The following DMD variants were observed in gnomAD, a reference collection of about 807,000 sequenced individuals.
DMD encodes dystrophin, also known as mutant dystrophin.
In DMD, 63 loss-of-function variants were observed where a neutral mutation model predicts 330.1. The observed-to-expected ratio is 0.19, with a 90% CI of 0.16 to 0.24. The LOEUF (loss-of-function observed/expected upper bound fraction) is 0.24, where lower values mean the gene tolerates loss of function less well. Among genes scored for constraint, DMD ranks in the 10% least tolerant of loss-of-function variants. The probability of loss-of-function intolerance (pLI) is 1.00; values close to 1 mark genes in which losing one functional copy is unlikely to be tolerated. For missense variants in DMD, 3,344 were observed against 2,684.1 expected (o/e 1.25, Z -5.43); for synonymous variants, 1,223 against 959.8 (o/e 1.27, Z -5.07).
intron 63 of DMD, among the ~76,000 whole-genome samples, chrX:31,251,007 G>A (rs776287349): frequency 7.3e-5 from 8 of 109,082 alleles, no homozygotes; most frequent in Admixed American, 2.0e-4. Context: ...GCTTGAACCC[G>A]GGAGGCAGAG....
intron 2 of DMD, among the ~76,000 whole-genome samples, chrX:33,016,910 A>T (rs150792662): frequency 0.01 from 1,165 of 112,167 alleles, 14 homozygotes; most frequent in African/African-American, 0.037. Context: ...TATTTGTCAT[A>T]GAGTATACAC....
At chrX:31,487,914 A>G (rs1308070131) in intron 57 of DMD, among the ~76,000 whole-genome samples, 1 of 111,922 alleles carries the variant, frequency 8.9e-6, no homozygotes, top group Non-Finnish European at 1.9e-5. Flanking sequence ...TTAAAAATCT[A>G]ATTATAGTCA....
intron 43 of DMD, among the ~76,000 whole-genome samples, chrX:32,242,261 G>A (rs2097211420): frequency 1.8e-5 from 2 of 111,233 alleles, no homozygotes; most frequent in Admixed American, 1.9e-4. Flanking sequence ...AAAAATAGAA[G>A]TTCAACTAAC....
At chrX:32,729,958 T>A (rs183035283) in intron 7 of DMD, among the ~76,000 whole-genome samples, 5 of 111,654 alleles carry the variant, frequency 4.5e-5, no homozygotes, top group African/African-American at 1.6e-4. Context: ...GAGGTATACT[T>A]AAGAGTTGGT....
chrX:32,061,034 C>T (rs1315725817), intron 44 of DMD, among the ~76,000 whole-genome samples: 1 of 111,412 alleles, frequency 9.0e-6, no homozygotes, highest in Non-Finnish European at 1.9e-5. Context: ...CTATCACTAT[C>T]ATTTTTATGA....
chrX:32,721,159 T>C (rs1282974025), intron 7 of DMD, among the ~76,000 whole-genome samples: 1 of 111,067 alleles, frequency 9.0e-6, no homozygotes, highest in Non-Finnish European at 1.9e-5. Flanking sequence ...CATAACGCAA[T>C]GAACATGAGA....
intron 11 of DMD, among the ~76,000 whole-genome samples, chrX:32,618,745 A>G (rs2057774114): frequency 9.0e-6 from 1 of 111,536 alleles, no homozygotes; most frequent in Admixed American, 9.5e-5. Flanking sequence ...CATGGCTACT[A>G]TCCAAAACAA....
chrX:32,481,113 T>A (rs895288900), intron 21 of DMD, among the ~76,000 whole-genome samples: 1 of 110,842 alleles, frequency 9.0e-6, no homozygotes, highest in African/African-American at 3.3e-5. Flanking sequence ...ACCATAGAGC[T>A]TGAAATTGTG....
intron 13 of DMD, among the ~76,000 whole-genome samples, chrX:32,593,745 C>T (rs1259822555): frequency 8.9e-6 from 1 of 112,045 alleles, no homozygotes; most frequent in African/African-American, 3.2e-5. Context: ...GTGGTAATGA[C>T]CTCTAAAACT....
rs2034562839 is a variant in DMD, at chrX:31,131,932, T to A, written c.11014+2170A>T. On this transcript the variant is annotated intron_variant, in intron 77 of 78. Transcript: ENST00000357033. ...GTGAGGAAATGCCAAGATCATGGTA[T>A]TACAGAATGATAGGCCAGATTTTCC... is the stretch of plus-strand genomic sequence containing the variant. 1.8e-5 allele frequency among the ~76,000 whole-genome samples: 2 copies of A among 112,078 alleles called. 1 individual carries two copies. The highest frequency in any genetic ancestry group is 1.9e-4 in the Admixed American group (2 of 10,623).
At chrX:32,125,688 C>T (rs1174333158) in intron 44 of DMD, among the ~76,000 whole-genome samples, 2 of 111,863 alleles carry the variant, frequency 1.8e-5, no homozygotes, top group East Asian at 2.8e-4. Context: ...TTCTTTGGAA[C>T]CTTGTGTAGT....
At chrX:31,574,187 G>A (rs1382219545) in intron 55 of DMD, among the ~76,000 whole-genome samples, 3 of 91,958 alleles carry the variant, frequency 3.3e-5, no homozygotes, top group Non-Finnish European at 6.3e-5. Context: ...TCTGTTGCCC[G>A]GGCTGGAGTG....
chrX:31,604,416 C>A (rs1383133497), intron 55 of DMD, among the ~76,000 whole-genome samples: 1 of 111,364 alleles, frequency 9.0e-6, no homozygotes, highest in East Asian at 2.8e-4. Context: ...TAGTTCCAAC[C>A]TTCAAGAGAA....
chrX:32,973,886 A>C (rs2092463059), intron 2 of DMD, among the ~76,000 whole-genome samples: 1 of 111,540 alleles, frequency 9.0e-6, no homozygotes, highest in African/African-American at 3.3e-5. Context: ...AATACAACTC[A>C]CTTTTTTATT....
At chrX:31,240,892 A>G (rs2048198202) in intron 63 of DMD, among the ~76,000 whole-genome samples, 2 of 111,482 alleles carry the variant, frequency 1.8e-5, no homozygotes, top group African/African-American at 3.2e-5. Flanking sequence ...CTTCATCACT[A>G]TGGTCTCCCA....
rs779275479 is a variant in DMD, at chrX:32,263,649, T to A, written c.6290+23880A>T. Among the ~76,000 whole-genome samples the A allele has an allele frequency of 6.2e-5, 7 of 112,064 alleles. No homozygotes were observed. The East Asian group carries it at 1.7e-3, about 27-fold the overall frequency. On this transcript the variant is annotated intron_variant, in intron 43 of 78. Coordinates refer to ENST00000357033, the MANE Select transcript of DMD (RefSeq NM_004006.3). ...AGAGAGAGCATTTTCCATGAAAATC[T>A]GAATTGATTTTCACTATCTAAAGAC...
chrX:32,492,476 A>C (rs1308883948), intron 19 of DMD, among the ~76,000 whole-genome samples: 3 of 112,453 alleles, frequency 2.7e-5, no homozygotes, highest in Non-Finnish European at 3.8e-5. Flanking sequence ...AACCCAGAAA[A>C]CTTTATCAAG....
At chrX:31,362,190 A>G (rs1324912825) in intron 60 of DMD, among the ~76,000 whole-genome samples, 1 of 112,519 alleles carries the variant, frequency 8.9e-6, no homozygotes, top group Admixed American at 9.4e-5. Context: ...TTGCATGAGT[A>G]AAGGGCTAGT....
intron 1 of DMD, among the ~76,000 whole-genome samples, chrX:33,220,813 G>A (rs747118422): frequency 9.0e-6 from 1 of 111,180 alleles, no homozygotes; most frequent in Non-Finnish European, 1.9e-5. Context: ...TCATAGATGG[G>A]TCTAACAATA....
Sources: allele counts gnomAD v4.1 joint callset (sites outside exome capture counted in the v4.1 genomes callset), GRCh38; gene constraint gnomAD v4.1.1; transcripts MANE v1.5; gene names NCBI Gene and HGNC (gene_info 2026-07-23, HGNC 2026-07-21).